Variants in MTMR7 observed in about 807,000 individuals in gnomAD.
MTMR7 encodes the protein myotubularin related protein 7, also known as phosphatidylinositol-3-phosphate phosphatase MTMR7.
In MTMR7, 76 loss-of-function variants were observed where a neutral mutation model predicts 81.2. The ratio of observed to expected loss-of-function variants is 0.94; its 90% confidence interval spans 0.78 to 1.13. The LOEUF is 1.13. MTMR7 is among the 50% of genes most tolerant of loss of function. The pLI is 0.00. For synonymous variants in MTMR7, 372 were observed against 289.8 expected, an observed-to-expected ratio of 1.28 and a Z score of -2.88; for missense variants, 1,044 against 820.0, an observed-to-expected ratio of 1.27 and a Z score of -3.34.
chr8:17,368,473 T>TAC (rs1585097092), intron 3 of MTMR7, among the ~76,000 whole-genome samples: 2 of 152,168 alleles, frequency 1.3e-5, no homozygotes, highest in East Asian at 3.9e-4. Flanking sequence ...CCTCACCAAC[T>TAC]ACACACACAC....
chr8:17,315,944 T>C (rs1026432825), intron 7 of MTMR7, among the ~76,000 whole-genome samples: 6 of 152,188 alleles, frequency 3.9e-5, no homozygotes, highest in African/African-American at 1.2e-4. Flanking sequence ...ACCCAGGAGT[T>C]TGAGGCTGCA....
Position 17,407,346 on chromosome 8 carries a change from T to C in MTMR7, c.24+5923A>G, listed in dbSNP as rs74354192. On this transcript the variant is annotated intron_variant, in intron 1 of 13. Transcript: ENST00000180173. ...AAAATAACCTTAAATAAGAAAGCAA[T>C]GGAATGGTATAGTAAGAAACATAGT... Among the ~76,000 whole-genome samples, 594 of 152,208 alleles carry C rather than the reference T, an allele frequency of 3.9e-3. 2 individuals are homozygous for C. Among genetic ancestry groups the C allele is most frequent in the African/African-American group, 0.014 (569 of 41,534 alleles).
intron 3 of MTMR7, among the ~76,000 whole-genome samples, chr8:17,369,059 T>C (rs1820324887): frequency 6.6e-6 from 1 of 152,212 alleles, no homozygotes; most frequent in Admixed American, 6.5e-5. Context: ...TGCTCAGCCC[T>C]TTCCCAGTTC....
Position 17,359,791 on chromosome 8 carries a change from A to T in MTMR7, c.468+1326T>A, listed in dbSNP as rs531560836. ...CTCATTATACCATCAAGGTATCAAA[A>T]GATTTTTAAAAACTAACTCTTTACT... is the stretch of plus-strand genomic sequence containing the variant. On this transcript the variant is annotated intron_variant, in intron 4 of 13. Coordinates refer to ENST00000180173, the MANE Select transcript of MTMR7 (RefSeq NM_004686.5). 7.2e-5 allele frequency among the ~76,000 whole-genome samples: 11 copies of T among 152,304 alleles called. No individual in the cohort carries two copies. The South Asian group carries it at 2.3e-3, about 32-fold the overall frequency.
chr8:17,317,239 G>A (rs1818136183), intron 7 of MTMR7, among the ~76,000 whole-genome samples: 1 of 152,186 alleles, frequency 6.6e-6, no homozygotes, highest in African/African-American at 2.4e-5. Flanking sequence ...CAGGATGCTG[G>A]CTGGCAGTGC....
chr8:17,303,329 G>GAGAAGATAA (rs1330077511), intron 12 of MTMR7, among the ~76,000 whole-genome samples: 2 of 152,114 alleles, frequency 1.3e-5, no homozygotes, highest in Admixed American at 1.3e-4. Context: ...TATAAATTCT[G>GAGAAGATAA]AGAAGATAAT....
intron 6 of MTMR7, among the ~76,000 whole-genome samples, chr8:17,341,155 A>G (rs1001579226): frequency 1.3e-5 from 2 of 152,238 alleles, no homozygotes; most frequent in African/African-American, 4.8e-5. Context: ...CAGGGGAAAT[A>G]TGAAATGTAC....
chr8:17,368,429 C>A (rs1820304599), intron 3 of MTMR7, among the ~76,000 whole-genome samples: 1 of 152,136 alleles, frequency 6.6e-6, no homozygotes. Flanking sequence ...ATCGAGAGAG[C>A]TACATTTTAC....
At chr8:17,331,782 A>G (rs1819016665) in intron 6 of MTMR7, among the ~76,000 whole-genome samples, 1 of 152,246 alleles carries the variant, frequency 6.6e-6, no homozygotes, top group Admixed American at 6.5e-5. Flanking sequence ...GATCCCTCAG[A>G]TGCCCAGTTA....
chr8:17,398,544 T>C (rs535463931), intron 1 of MTMR7, among the ~76,000 whole-genome samples: 45 of 152,138 alleles, frequency 3.0e-4, no homozygotes, highest in African/African-American at 1.0e-3. Flanking sequence ...CAATGAGGCA[T>C]GCCTACAAGA....
chr8:17,302,766 G>A lies in MTMR7; in HGVS notation c.1494-486C>T, dbSNP rs115601018. 5.4e-3 allele frequency among the ~76,000 whole-genome samples: 694 copies of A among 127,584 alleles called. 15 individuals are homozygous for A. Among genetic ancestry groups the A allele is most frequent in the African/African-American group, 0.019 (653 of 33,928 alleles). The allele number at this position is 127,584 out of a possible 152,430, so 83.7% of individuals were successfully genotyped here. ...TCGCTCTTGTCACCCAAACCGAAGT[G>A]CAGTGGTGTGATATCGGCTCCTTGC... is the stretch of plus-strand genomic sequence containing the variant. On this transcript the variant is annotated intron_variant, in intron 12 of 13. Transcript: ENST00000180173.
chr8:17,385,667 C>T (rs760056556), intron 1 of MTMR7, among the ~76,000 whole-genome samples: 12 of 152,254 alleles, frequency 7.9e-5, no homozygotes, highest in African/African-American at 1.4e-4. Context: ...ACTGTCCTCA[C>T]GATGGTGAGT....
chr8:17,404,325 C>T (rs75470608), intron 1 of MTMR7, among the ~76,000 whole-genome samples: 142 of 151,824 alleles, frequency 9.4e-4, no homozygotes, highest in African/African-American at 2.0e-3. Flanking sequence ...GGTGGATCGC[C>T]GAGATTGGAA....
At chr8:17,408,415 A>AAAAAAAAAAAAAAAAAAAAAC (rs1821653157) in intron 1 of MTMR7, among the ~76,000 whole-genome samples, 1 of 58,668 alleles carries the variant, frequency 1.7e-5, no homozygotes, top group Non-Finnish European at 5.7e-5. Context: ...AAAAAAAAAA[A>AAAAAAAAAAAAAAAAAAAAAC]AAAGAACATC....
intron 3 of MTMR7, among the ~76,000 whole-genome samples, chr8:17,368,156 C>T (rs558023964): frequency 6.6e-6 from 1 of 152,096 alleles, no homozygotes; most frequent in African/African-American, 2.4e-5. Context: ...CAACCTAGAT[C>T]CCTCGCATGT....
At chr8:17,390,822 G>T (rs78669182) in intron 1 of MTMR7, among the ~76,000 whole-genome samples, 5 of 152,084 alleles carry the variant, frequency 3.3e-5, no homozygotes, top group Non-Finnish European at 7.4e-5. Flanking sequence ...ACTCACTACC[G>T]CTTACCAGAG....
intron 4 of MTMR7, among the ~76,000 whole-genome samples, chr8:17,358,729 T>C (rs1479553384): frequency 6.6e-6 from 1 of 152,130 alleles, no homozygotes; most frequent in East Asian, 1.9e-4. Flanking sequence ...AACATCAGTA[T>C]CCTACCTGTC....
intron 1 of MTMR7, among the ~76,000 whole-genome samples, chr8:17,401,580 G>A (rs1203907803): frequency 6.6e-6 from 1 of 152,094 alleles, no homozygotes; most frequent in African/African-American, 2.4e-5. Context: ...ATGAAAAGGG[G>A]ACCAGGAAAG....
chr8:17,344,983 G>A (rs192153080), intron 5 of MTMR7, among the ~76,000 whole-genome samples: 5 of 152,122 alleles, frequency 3.3e-5, no homozygotes, highest in Admixed American at 6.6e-5. Context: ...AAATCCTAGC[G>A]TAATAAAGAA....
Sources: allele counts gnomAD v4.1 joint callset (sites outside exome capture counted in the v4.1 genomes callset), GRCh38; gene constraint gnomAD v4.1.1; transcripts MANE v1.5; gene names NCBI Gene and HGNC (gene_info 2026-07-23, HGNC 2026-07-21).